The following CCDC138 variants were observed in gnomAD, a reference collection of about 807,000 sequenced individuals.
CCDC138 encodes coiled-coil domain containing 138, also known as coiled-coil domain-containing protein 138.
CCDC138 carries 66 observed loss-of-function variants against 82.3 expected under a neutral mutation model. The ratio of observed to expected loss-of-function variants is 0.80; its 90% CI spans 0.66 to 0.98. The LOEUF is 0.98. CCDC138 is among the 50% of genes least tolerant of loss of function. The pLI, the probability that CCDC138 is intolerant of heterozygous loss-of-function variation, is 0.00. For missense variants in CCDC138, 816 were observed against 758.9 expected (o/e 1.08, Z -0.88); for synonymous variants, 297 against 265.4 (o/e 1.12, Z -1.16).
intron 10 of CCDC138, among the ~76,000 whole-genome samples, chr2:108,827,543 G>A (rs538018865): frequency 1.2e-4 from 18 of 152,088 alleles, no homozygotes; most frequent in Non-Finnish European, 2.5e-4. Flanking sequence ...TTGGCTGGGC[G>A]CAGTGGCTCC....
chr2:108,795,029 T>C (rs1333991520), intron 5 of CCDC138, among the ~76,000 whole-genome samples: 3 of 140,954 alleles, frequency 2.1e-5, no homozygotes, highest in Non-Finnish European at 4.7e-5. Context: ...TTGATGTAGA[T>C]GCTCTAGCTT....
chr2:108,879,252 A>G (rs896676011), downstream of CCDC138, among the ~76,000 whole-genome samples: 1 of 152,260 alleles, frequency 6.6e-6, no homozygotes, highest in Admixed American at 6.5e-5. Flanking sequence ...GATTACAAGC[A>G]TGAACCAATG....
chr2:108,786,834 G>C lies in CCDC138; in HGVS notation c.12G>C (p.Arg4Ser). The change falls in exon 1 of 15, where the codon AGG becomes AGC. Residue 4 changes from arginine (R) to serine (S), a missense_variant. Transcript: ENST00000295124. ...GGTTGCTGTGTGCTATGGAGCCGAG[G>C]GTCGTCAAGCCACCGGGGCAGGATT... The part of the protein sequence containing the change: MEP[R>S]VVKPPGQDLV... The C allele has an allele frequency of 1.3e-6, 2 of 1,592,114 alleles. No individual in the cohort carries two copies. Among genetic ancestry groups the C allele is most frequent in the East Asian group, 2.3e-5 (1 of 43,606 alleles).
At chr2:108,874,102 C>T (rs894952287) in intron 14 of CCDC138, among the ~76,000 whole-genome samples, 1 of 151,958 alleles carries the variant, frequency 6.6e-6, no homozygotes, top group Admixed American at 6.6e-5. Flanking sequence ...TTTTTAGCAA[C>T]CAAGTAATAA....
chr2:108,873,827 G>A (rs771499624), intron 14 of CCDC138, among the ~76,000 whole-genome samples: 24 of 152,130 alleles, frequency 1.6e-4, no homozygotes, highest in Non-Finnish European at 2.8e-4. Flanking sequence ...AAGCCATCCT[G>A]GGCCGCATGC....
At chr2:108,882,328 T>C (rs1696315640) in intron 1 of CCDC138, 1 of 152,134 alleles carries the variant, frequency 6.6e-6, no homozygotes, top group Non-Finnish European at 1.5e-5. Context: ...AAATCTTCAA[T>C]TTGTAAAAAA....
chr2:108,832,170 C>T (rs149971079), intron 10 of CCDC138, among the ~76,000 whole-genome samples: 1,579 of 152,050 alleles, frequency 0.01, 27 homozygotes, highest in African/African-American at 0.037. Flanking sequence ...GCTGGGATTA[C>T]AGGTGTACGC....
downstream of CCDC138, among the ~76,000 whole-genome samples, chr2:108,881,054 G>A (rs188170417): frequency 2.8e-3 from 433 of 152,352 alleles, 2 homozygotes; most frequent in Non-Finnish European, 4.5e-3. Context: ...AACTGCCGAT[G>A]TGGTGGGAAT....
intron 13 of CCDC138, among the ~76,000 whole-genome samples, chr2:108,871,812 C>T (rs1185837732): frequency 2.0e-5 from 3 of 152,090 alleles, no homozygotes; most frequent in Non-Finnish European, 4.4e-5. Flanking sequence ...AGTGATATTG[C>T]TATTTTTTAG....
intron 10 of CCDC138, among the ~76,000 whole-genome samples, chr2:108,816,460 AAAC>A (rs1684826903): frequency 6.6e-6 from 1 of 152,084 alleles, no homozygotes; most frequent in African/African-American, 2.4e-5. Context: ...CAAAAGAAAA[AAAC>A]AAAAAACAAA....
At chr2:108,837,416 T>C (rs1322193064) in intron 10 of CCDC138, among the ~76,000 whole-genome samples, 3 of 152,226 alleles carry the variant, frequency 2.0e-5, no homozygotes, top group African/African-American at 7.2e-5. Context: ...CCTTTTAATA[T>C]ACCGCCATGC....
At chr2:108,870,714 A>G (rs1433838860) in intron 13 of CCDC138, among the ~76,000 whole-genome samples, 1 of 152,256 alleles carries the variant, frequency 6.6e-6, no homozygotes, top group African/African-American at 2.4e-5. Flanking sequence ...GCTAAATGAA[A>G]TAAGCCAGGC....
intron 10 of CCDC138, among the ~76,000 whole-genome samples, chr2:108,836,168 C>T (rs1393626029): frequency 1.3e-5 from 2 of 152,144 alleles, no homozygotes; most frequent in African/African-American, 4.8e-5. Context: ...CTCCCCATTT[C>T]ACCTACCCCC....
intron 12 of CCDC138, among the ~76,000 whole-genome samples, chr2:108,849,737 T>G (rs1163850740): frequency 1.3e-5 from 2 of 152,236 alleles, no homozygotes; most frequent in African/African-American, 4.8e-5. Flanking sequence ...CTCCCTTTCC[T>G]TATAGTCTGG....
At position 108,791,764 on chromosome 2, in the gene CCDC138, C is replaced by G; in HGVS notation, c.356C>G (p.Ser119Trp). Residue 119 changes from serine to tryptophan, a missense_variant, in exon 4 of 15, where the codon TCG becomes TGG. Coordinates refer to ENST00000295124, the MANE Select transcript of CCDC138 (RefSeq NM_144978.3). The stretch of plus-strand genomic sequence containing the variant: ...GAAAATGATTATAGAGTTAGTACCT[C>G]GAAAATAACCAAGCAGTCTTTTAAA... ...LIENDYRVST[S>W]KITKQSFKEI... 6.3e-7 allele frequency: 1 copy of G among 1,597,768 alleles called. No homozygotes were observed. Among genetic ancestry groups the G allele is most frequent in the Non-Finnish European group, 8.5e-7 (1 of 1,170,374 alleles).
intron 12 of CCDC138, among the ~76,000 whole-genome samples, chr2:108,853,977 A>T (rs566496988): frequency 3.7e-4 from 5 of 13,590 alleles, no homozygotes; most frequent in African/African-American, 6.3e-4. Context: ...AATATATATA[A>T]TATATAATAT....
At chr2:108,809,195 A>G (rs1412093320) in intron 7 of CCDC138, among the ~76,000 whole-genome samples, 2 of 152,172 alleles carry the variant, frequency 1.3e-5, no homozygotes, top group Non-Finnish European at 2.9e-5. Context: ...TTATGCCAAT[A>G]CTATGCTGTT....
intron 9 of CCDC138, among the ~76,000 whole-genome samples, chr2:108,815,235 A>G (rs1684559018): frequency 6.6e-6 from 1 of 152,100 alleles, no homozygotes; most frequent in South Asian, 2.1e-4. Context: ...TAGCTCTGGA[A>G]ACCATTAATT....
intron 10 of CCDC138, among the ~76,000 whole-genome samples, chr2:108,816,786 TC>T (rs1231757482): frequency 2.0e-5 from 3 of 151,990 alleles, no homozygotes; most frequent in Non-Finnish European, 2.9e-5. Flanking sequence ...GCCTCCAAAC[TC>T]CTAGCCTCAA....
Sources: gnomAD v4.1 joint callset for allele counts (sites outside exome capture counted in the v4.1 genomes callset) on GRCh38, gnomAD v4.1.1 for gene constraint, MANE v1.5 for transcripts, NCBI Gene and HGNC (gene_info 2026-07-23, HGNC 2026-07-21) for gene names.